Variants in ATR observed in about 807,000 individuals in gnomAD.
ATR encodes the protein serine/threonine-protein kinase ATR.
ATR carries 142 observed loss-of-function variants against 305.3 expected under a neutral mutation model. That is an observed-to-expected ratio of 0.47 (90% CI 0.41 to 0.53). The LOEUF (loss-of-function observed/expected upper bound fraction) is 0.53. Among genes scored for constraint, ATR ranks in the 20% least tolerant of loss-of-function variants. The pLI is 0.00. For synonymous variants in ATR, 1,050 were observed against 1,068.1 expected (o/e 0.98, Z 0.33); for missense variants, 2,135 against 3,133.1 (o/e 0.68, Z 7.60).
chr3:142,526,981 G>T (rs2033422482), intron 21 of ATR, among the ~76,000 whole-genome samples: 1 of 151,922 alleles, frequency 6.6e-6, no homozygotes, highest in Non-Finnish European at 1.5e-5. Flanking sequence ...TAGAGATGGG[G>T]TCTTGCTATA....
At chr3:142,516,463 A>G (rs2032865216) in intron 24 of ATR, among the ~76,000 whole-genome samples, 1 of 152,178 alleles carries the variant, frequency 6.6e-6, no homozygotes, top group Non-Finnish European at 1.5e-5. Flanking sequence ...CTAAAGTTAC[A>G]GAATTCCTTC....
intron 18 of ATR, among the ~76,000 whole-genome samples, chr3:142,540,412 T>C (rs1027923207): frequency 6.6e-6 from 1 of 152,166 alleles, no homozygotes; most frequent in African/African-American, 2.4e-5. Context: ...TACAATGTCT[T>C]TGGGAAAAAT....
intron 45 of ATR, among the ~76,000 whole-genome samples, chr3:142,454,891 T>C (rs969168669): frequency 2.6e-5 from 4 of 152,176 alleles, no homozygotes; most frequent in African/African-American, 7.2e-5. Flanking sequence ...TGTCCACTTT[T>C]AGCATGTCTA....
At chr3:142,573,569 T>C (rs2035344615) in intron 1 of ATR, among the ~76,000 whole-genome samples, 1 of 150,712 alleles carries the variant, frequency 6.6e-6, no homozygotes, top group South Asian at 2.1e-4. Context: ...AACAACTTAG[T>C]GCTATGTATC....
chr3:142,562,539 A>G lies in ATR; in HGVS notation c.863T>C (p.Leu288Ser), dbSNP rs1362625443. Residue 288 changes from leucine to serine, a missense_variant, in exon 4 of 47, where the codon TTG becomes TCG. Leu to Ser is a moderately radical substitution (Grantham distance 145, BLOSUM62 -2). This residue lies in a region of ATR where 744 missense variants were observed against 873.2 expected (regional missense o/e 0.85). Coordinates refer to ENST00000350721, the MANE Select transcript of ATR (RefSeq NM_001184.4). ...KHLVEMDTDQ[L>S]KLYEEPLSKL... is the part of the protein sequence containing the mutation. ...TGATAATGGCTCTTCATAGAGTTTCAATTGGTCAGTATCCATTTCTACAAG... is the reference window on the plus strand; with the variant it reads ...TGATAATGGCTCTTCATAGAGTTTCGATTGGTCAGTATCCATTTCTACAAG... 2.5e-6 allele frequency: 4 copies of G among 1,613,636 alleles called. No homozygotes were observed. Among genetic ancestry groups the G allele is most frequent in the Non-Finnish European group, 3.4e-6 (4 of 1,179,850 alleles).
At chr3:142,531,698 T>C (rs2108416464) in intron 21 of ATR, among the ~76,000 whole-genome samples, 1 of 152,346 alleles carries the variant, frequency 6.6e-6, no homozygotes, top group East Asian at 1.9e-4. Flanking sequence ...CTATTGTGAA[T>C]AGTGCTGCAA....
Position 142,485,269 on chromosome 3 carries a change from C to T in ATR, c.6092G>A (p.Cys2031Tyr), listed in dbSNP as rs2108311654. The change falls in exon 36 of 47, where the codon TGC (cysteine) becomes TAC (tyrosine). Residue 2031 changes from cysteine to tyrosine, a missense_variant. By Grantham distance (194) the Cys-to-Tyr change is radical (BLOSUM62 -2). Coordinates refer to ENST00000350721, the MANE Select transcript of ATR (RefSeq NM_001184.4). The part of the protein sequence containing the change: ...IMKKYKDVTA[C>Y]LPEWEDGHFY... ...ATGCCCATCCTCCCATTCTGGCAGG[C>T]ACGCGGTCACATCCTATAAAAAAGA... 6.2e-7 allele frequency: 1 copy of T among 1,614,118 alleles called. No homozygotes were observed. Among genetic ancestry groups the T allele is most frequent in the Non-Finnish European group, 8.5e-7 (1 of 1,180,006 alleles).
intron 32 of ATR, among the ~76,000 whole-genome samples, chr3:142,497,539 C>G (rs956029776): frequency 6.6e-6 from 1 of 151,292 alleles, no homozygotes; most frequent in Non-Finnish European, 1.5e-5. Context: ...TGCACTCCAG[C>G]TCAGGTGACA....
rs1043631361 is a variant in ATR, at chr3:142,562,421, G to A, written c.981C>T (p.Val327=). ...YLNMLLEKLC[V]MFEDGVLMRL... is the part of the protein sequence containing the mutation. ...GCATGAGCACACCGTCTTCAAACAT[G>A]ACACAGAGTTTTTCCAGCAGCATAT... The change falls in exon 4 of 47, where the codon GTC becomes GTT. Residue 327 remains valine, a synonymous_variant. Transcript: ENST00000350721. 1.9e-6 allele frequency: 3 copies of A among 1,613,980 alleles called. No individual in the cohort carries two copies. The African/African-American group carries it at 4.0e-5, about 22-fold the overall frequency.
chr3:142,450,652 G>A, intron 46 of ATR: 1 of 1,605,550 alleles, frequency 6.2e-7, no homozygotes, highest in Non-Finnish European at 8.5e-7. Context: ...GAATAAATTA[G>A]ATGGTCAGTA....
chr3:142,532,297 T>A (rs1034879390), intron 21 of ATR, among the ~76,000 whole-genome samples: 6 of 152,240 alleles, frequency 3.9e-5, no homozygotes, highest in Admixed American at 6.5e-5. Flanking sequence ...CGTTAGTAAA[T>A]GTCATTTTAT....
chr3:142,493,089 T>C (rs776051094), intron 35 of ATR, 43 bp downstream of exon 35: 55 of 1,588,940 alleles, frequency 3.5e-5, no homozygotes, highest in Non-Finnish European at 4.0e-5. Flanking sequence ...TCATTTTACG[T>C]AGTCAACAGA....
chr3:142,485,425 T>C, intron 35 of ATR, 143 bp from the exon 36 acceptor site: 1 of 1,060,858 alleles, frequency 9.4e-7, no homozygotes. Flanking sequence ...ATCTTTGATG[T>C]GGAAAAGGAA....
intron 19 of ATR, among the ~76,000 whole-genome samples, chr3:142,537,980 A>C (rs2108431112): frequency 6.6e-6 from 1 of 152,316 alleles, no homozygotes; most frequent in Non-Finnish European, 1.5e-5. Context: ...GAAATGGAGA[A>C]TCTCAGAATG....
In ATR at chr3:142,452,170, G is replaced by C; in HGVS notation, c.7761+958C>G. ...TAAGGATGACATGAAGGATGGGGGCGTACAGGTCTAGCCTTCCTCGAGCTA... is the reference window on the plus strand; with the variant it reads ...TAAGGATGACATGAAGGATGGGGGCCTACAGGTCTAGCCTTCCTCGAGCTA... On this transcript the variant is annotated intron_variant, in intron 46 of 46. Coordinates refer to ENST00000350721, the MANE Select transcript of ATR (RefSeq NM_001184.4). 15 of 1,014,600 alleles carry C rather than the reference G, an allele frequency of 1.5e-5. No individual in the cohort carries two copies. In the Middle Eastern group the frequency reaches 4.1e-3, roughly 277 times the overall value. 62.8% of individuals were successfully genotyped at this position (1,014,600 alleles called of 1,614,324 possible).
chr3:142,555,670 G>A lies in ATR; in HGVS notation c.2341+207C>T, dbSNP rs573552303. 2.6e-5 allele frequency among the ~76,000 whole-genome samples: 4 copies of A among 152,148 alleles called. No individual in the cohort carries two copies. In the South Asian group the frequency reaches 6.2e-4, roughly 24 times the overall value. On this transcript the variant is annotated intron_variant, in intron 10 of 46. Transcript: ENST00000350721. ...AGGCTGTCAAATCACAAGAGTATTC[G>A]AAAAATCCCAAAATCACCTCTCCTA...
At chr3:142,452,546 C>T (rs1044460444) in intron 46 of ATR, 37 of 594,140 alleles carry the variant, frequency 6.2e-5, no homozygotes, top group Non-Finnish European at 7.6e-5. Flanking sequence ...TGGTGGTGCA[C>T]GCTTATAATC....
At chr3:142,551,982 AC>A (rs1411740306) in intron 13 of ATR, among the ~76,000 whole-genome samples, 1 of 152,126 alleles carries the variant, frequency 6.6e-6, no homozygotes, top group East Asian at 1.9e-4. Flanking sequence ...CAAGAAAAAA[AC>A]AAAAGTGGGC....
At position 142,470,081 on chromosome 3, in the gene ATR, T is replaced by C; in HGVS notation, c.6319+5A>G. The C allele has an allele frequency of 6.3e-7, 1 of 1,594,228 alleles. No individual in the cohort carries two copies. Among genetic ancestry groups the C allele is most frequent in the Non-Finnish European group, 8.6e-7 (1 of 1,163,404 alleles). On this transcript the variant is annotated splice_donor_5th_base_variant and intron_variant, in intron 37 of 46. Coordinates refer to ENST00000350721, the MANE Select transcript of ATR (RefSeq NM_001184.4). ...CCTTTAAAACTTTTACGTGAAGAGT[T>C]ATACCTTTTTCCCATTCATATGCCT...
Sources: gnomAD v4.1 joint callset for allele counts (sites outside exome capture counted in the v4.1 genomes callset) on GRCh38, gnomAD v4.1.1 for gene constraint, gnomAD v4.1.1 regional missense constraint, MANE v1.5 for transcripts, NCBI Gene and HGNC (gene_info 2026-07-23, HGNC 2026-07-21) for gene names.